Variants in DNAH5 observed in about 807,000 individuals in gnomAD.
DNAH5 encodes axonemal beta dynein heavy chain 5.
A neutral mutation model predicts 518.2 loss-of-function variants in DNAH5; 372 were observed. That is an observed-to-expected ratio of 0.72 (90% CI 0.66 to 0.78). The LOEUF is 0.78. DNAH5 is among the 30% of genes least tolerant of loss of function. The probability of loss-of-function intolerance (pLI) is 0.00; values close to 1 mark genes in which losing one functional copy is unlikely to be tolerated. For synonymous variants in DNAH5, 2,039 were observed against 2,025.9 expected (o/e 1.01, Z -0.17); for missense variants, 5,523 against 5,687.0 (o/e 0.97, Z 0.93).
intron 63 of DNAH5, 92 bp downstream of exon 63, chr5:13,753,141 G>T (rs1750484309): frequency 2.2e-6 from 2 of 914,072 alleles, no homozygotes; most frequent in Non-Finnish European, 3.6e-6. Context: ...AACATCTCTA[G>T]TGTTTTCAAA....
At chr5:13,726,344 T>C (rs965705657) in intron 70 of DNAH5, among the ~76,000 whole-genome samples, 1 of 152,008 alleles carries the variant, frequency 6.6e-6, no homozygotes, top group African/African-American at 2.4e-5. Context: ...GTGTGCAGAG[T>C]AGACTAGAGT....
intron 31 of DNAH5, among the ~76,000 whole-genome samples, chr5:13,846,940 C>G (rs1443155313): frequency 1.3e-5 from 2 of 152,168 alleles, no homozygotes; most frequent in Non-Finnish European, 2.9e-5. Flanking sequence ...TTTCAAATAT[C>G]CCAATCCTTA....
chr5:13,878,237 A>G (rs1311145138), intron 21 of DNAH5, among the ~76,000 whole-genome samples: 2 of 152,134 alleles, frequency 1.3e-5, no homozygotes, highest in African/African-American at 4.8e-5. Context: ...AAAGGACTCA[A>G]TCCTAAACCT....
intron 78 of DNAH5, among the ~76,000 whole-genome samples, chr5:13,693,947 A>G (rs1365727476): frequency 6.6e-6 from 1 of 152,244 alleles, no homozygotes; most frequent in Non-Finnish European, 1.5e-5. Flanking sequence ...CTGAACAAGT[A>G]AATGAATGAC....
At chr5:13,797,969 CT>C (rs1580300931) in intron 47 of DNAH5, among the ~76,000 whole-genome samples, 2 of 150,226 alleles carry the variant, frequency 1.3e-5, no homozygotes, top group African/African-American at 4.9e-5. Flanking sequence ...AAACCAAACA[CT>C]GCATGTTCTC....
intron 1 of DNAH5, among the ~76,000 whole-genome samples, chr5:13,985,430 A>AATATATATATATATATATATATATAT (rs145568740): frequency 7.9e-6 from 1 of 127,346 alleles, no homozygotes; most frequent in Non-Finnish European, 1.7e-5. Flanking sequence ...AGTATAATAA[A>AATATATATATATATATATATATATAT]ATATATATAT....
At chr5:13,954,381 C>T (rs1325628188) in intron 1 of DNAH5, among the ~76,000 whole-genome samples, 3 of 152,124 alleles carry the variant, frequency 2.0e-5, no homozygotes, top group Non-Finnish European at 4.4e-5. Flanking sequence ...TGAGTCGACA[C>T]GTGGAAAATA....
intron 76 of DNAH5, 52 bp from the exon 77 acceptor site, chr5:13,701,488 G>A (rs1291008870): frequency 6.8e-7 from 1 of 1,475,452 alleles, no homozygotes; most frequent in Non-Finnish European, 9.4e-7. Flanking sequence ...ATACTGCAGT[G>A]TAAACCAGCT....
intron 1 of DNAH5, among the ~76,000 whole-genome samples, chr5:14,006,552 G>A (rs1224259234): frequency 6.6e-6 from 1 of 152,022 alleles, no homozygotes; most frequent in Non-Finnish European, 1.5e-5. Context: ...TTCTTACAAG[G>A]ACACCGATCA....
chr5:13,803,241 TTTA>T (rs1759060242), intron 47 of DNAH5, among the ~76,000 whole-genome samples: 2 of 152,248 alleles, frequency 1.3e-5, no homozygotes, highest in Non-Finnish European at 2.9e-5. Context: ...AGTTATGCTC[TTTA>T]TTAAGAAATC....
At position 13,717,529 on chromosome 5, in the gene DNAH5, G is replaced by A. The variant is rs1744470683; in HGVS notation, c.12500-9C>T. ...CAGGTCTTGGCTGACACCTGTTGTG[G>A]TCAGTTGGGTGAAAAATGTATCATC... On this transcript the variant is annotated splice_polypyrimidine_tract_variant and intron_variant, in intron 72 of 78. Coordinates refer to ENST00000265104, the MANE Select transcript of DNAH5 (RefSeq NM_001369.3). 8.1e-6 allele frequency: 13 copies of A among 1,612,108 alleles called. No individual in the cohort carries two copies. Among genetic ancestry groups the A allele is most frequent in the Non-Finnish European group, 1.1e-5 (13 of 1,178,256 alleles).
chr5:14,004,339 T>C (rs570721519), intron 1 of DNAH5, among the ~76,000 whole-genome samples: 2 of 152,262 alleles, frequency 1.3e-5, no homozygotes, highest in South Asian at 4.1e-4. Context: ...GGCTAGCTAA[T>C]TAAAGGCTTT....
chr5:14,009,710 C>T (rs1054363326), intron 1 of DNAH5, among the ~76,000 whole-genome samples: 2 of 152,174 alleles, frequency 1.3e-5, no homozygotes, highest in Non-Finnish European at 1.5e-5. Context: ...TCTGCATATG[C>T]TCATTTACCA....
chr5:13,951,193 T>C (rs1780367921), intron 1 of DNAH5, among the ~76,000 whole-genome samples: 1 of 147,418 alleles, frequency 6.8e-6, no homozygotes, highest in African/African-American at 2.5e-5. Flanking sequence ...CTTTTGTTTT[T>C]TTTTTGTTTT....
intron 1 of DNAH5, among the ~76,000 whole-genome samples, chr5:13,934,997 G>T (rs1778793817): frequency 6.6e-6 from 1 of 152,196 alleles, no homozygotes; most frequent in African/African-American, 2.4e-5. Flanking sequence ...TTCTCTAAGT[G>T]ATCACTCTAA....
At position 13,955,073 on chromosome 5, in the gene DNAH5, A is replaced by T. The variant is rs74370250; in HGVS notation, c.13-23829T>A. Among the ~76,000 whole-genome samples the T allele has an allele frequency of 2.7e-3, 407 of 152,244 alleles. 5 individuals carry two copies. Among genetic ancestry groups the T allele is most frequent in the African/African-American group, 9.2e-3 (384 of 41,554 alleles). On this transcript the variant is annotated intron_variant, in intron 1 of 78. Transcript: ENST00000681290. ...TCATGTGGAACTGTAATCCCCACGT[A>T]TTGAAGGTGGAGGCTGGTGGGAGGT...
intron 34 of DNAH5, 116 bp from the exon 35 acceptor site, chr5:13,839,644 A>C (rs766816708): frequency 2.0e-5 from 18 of 907,446 alleles, no homozygotes; most frequent in Non-Finnish European, 3.0e-5. Flanking sequence ...AGACAACCGA[A>C]CTATTTCACA....
At chr5:13,723,082 C>T (rs910408037) in intron 70 of DNAH5, among the ~76,000 whole-genome samples, 9 of 152,220 alleles carry the variant, frequency 5.9e-5, no homozygotes, top group Admixed American at 6.5e-5. Flanking sequence ...AGGTGAATTT[C>T]AGTCCAGTTG....
chr5:13,930,104 T>G (rs1300997406), intron 2 of DNAH5, among the ~76,000 whole-genome samples: 2 of 152,166 alleles, frequency 1.3e-5, no homozygotes, highest in Non-Finnish European at 2.9e-5. Flanking sequence ...TCCTGCTTGA[T>G]CCATCCTGTA....
Sources: gnomAD v4.1 joint callset for allele counts (sites outside exome capture counted in the v4.1 genomes callset) on GRCh38, gnomAD v4.1.1 for gene constraint, MANE v1.5 for transcripts, NCBI Gene and HGNC (gene_info 2026-07-23, HGNC 2026-07-21) for gene names.